Variants in TM2D1 observed in about 807,000 individuals in gnomAD.
The protein encoded by TM2D1 is TM2 domain-containing protein 1.
A neutral mutation model predicts 28.4 loss-of-function variants in TM2D1; 15 were observed. The observed-to-expected ratio is 0.53, with a 90% confidence interval of 0.35 to 0.81. The LOEUF is 0.81. TM2D1 is among the 40% of genes least tolerant of loss of function. TM2D1 has a pLI of 0.01. For synonymous variants in TM2D1, 93 were observed against 96.2 expected (o/e 0.97, Z 0.20); for missense variants, 236 against 254.9 (o/e 0.93, Z 0.50).
intron 4 of TM2D1, chr1:61,699,515 T>C (rs1020905161): frequency 6.6e-6 from 1 of 152,310 alleles, no homozygotes; most frequent in African/African-American, 2.4e-5. Flanking sequence ...TTGTTCTTCC[T>C]ACACGATCAG....
chr1:61,711,261 T>C (rs1404671780), intron 2 of TM2D1, among the ~76,000 whole-genome samples: 2 of 145,190 alleles, frequency 1.4e-5, no homozygotes, highest in South Asian at 2.2e-4. Context: ...ACCTGGGAGA[T>C]GGAGGTTGCA....
chr1:61,722,597 G>A (rs1299795772), intron 2 of TM2D1, among the ~76,000 whole-genome samples: 3 of 152,148 alleles, frequency 2.0e-5, no homozygotes, highest in Non-Finnish European at 4.4e-5. Flanking sequence ...TTGAACTCCT[G>A]ACCTCGTGAT....
chr1:61,719,409 C>G (rs995989023), intron 2 of TM2D1, among the ~76,000 whole-genome samples: 5 of 149,224 alleles, frequency 3.4e-5, no homozygotes, highest in Non-Finnish European at 6.0e-5. Flanking sequence ...AGTATATACA[C>G]AGAGAGAGAG....
intron 5 of TM2D1, chr1:61,694,495 G>T: frequency 2.5e-6 from 1 of 400,058 alleles, no homozygotes; most frequent in Admixed American, 4.4e-5. Context: ...ATGTCTTTGA[G>T]AACTACTAAC....
At chr1:61,695,122 CTTAT>C (rs1391713514) in intron 4 of TM2D1, among the ~76,000 whole-genome samples, 2 of 151,828 alleles carry the variant, frequency 1.3e-5, no homozygotes, top group East Asian at 1.9e-4. Context: ...TCCTTAATTA[CTTAT>C]TTAGACTTCA....
chr1:61,702,363 T>C (rs573010477), intron 3 of TM2D1, among the ~76,000 whole-genome samples: 1 of 150,718 alleles, frequency 6.6e-6, no homozygotes, highest in Non-Finnish European at 1.5e-5. Flanking sequence ...TGATGTTCAA[T>C]TCAATTTTAT....
chr1:61,713,488 CAAAAAAAA>C (rs369601221), intron 2 of TM2D1, among the ~76,000 whole-genome samples: 1 of 91,394 alleles, frequency 1.1e-5, no homozygotes, highest in Non-Finnish European at 2.2e-5. Flanking sequence ...AACTCAAAAA[CAAAAAAAA>C]AAAAAAAAAA....
chr1:61,703,747 T>C (rs997535782), intron 3 of TM2D1, among the ~76,000 whole-genome samples: 3 of 120,074 alleles, frequency 2.5e-5, no homozygotes, highest in African/African-American at 1.1e-4. Flanking sequence ...TATATATATA[T>C]ATATATATGC....
intron 2 of TM2D1, among the ~76,000 whole-genome samples, chr1:61,716,478 AT>A (rs1421341276): frequency 6.9e-6 from 1 of 144,958 alleles, no homozygotes; most frequent in Non-Finnish European, 1.5e-5. Flanking sequence ...ATTATATATA[AT>A]TTTATATACG....
In TM2D1 at chr1:61,709,522, A is replaced by G. The variant is rs568837873; in HGVS notation, c.239-85T>C. ...TTGTTCTAAGACTAGCAAATATGTT[A>G]TAACAAACTACCTCCCAATATAACA... On this transcript the variant is annotated intron_variant, in intron 2 of 6. Coordinates refer to ENST00000606498, the MANE Select transcript of TM2D1 (RefSeq NM_032027.3). 1.0e-5 allele frequency: 9 copies of G among 900,344 alleles called. No individual in the cohort carries two copies. The South Asian group carries it at 1.1e-4, about 11-fold the overall frequency. 55.8% of individuals were successfully genotyped at this position (900,344 alleles called of 1,614,324 possible). A position where few individuals can be genotyped will look rare whatever the true frequency, so the allele number is the denominator to read the frequency against.
chr1:61,705,765 A>G (rs1644436164), intron 3 of TM2D1, among the ~76,000 whole-genome samples: 1 of 152,174 alleles, frequency 6.6e-6, no homozygotes, highest in Non-Finnish European at 1.5e-5. Context: ...CCTCACCACC[A>G]CCACCCAGAC....
At chr1:61,711,068 T>G (rs942865119) in intron 2 of TM2D1, among the ~76,000 whole-genome samples, 1 of 152,124 alleles carries the variant, frequency 6.6e-6, no homozygotes, top group Non-Finnish European at 1.5e-5. Flanking sequence ...GGTGGCTCAA[T>G]GGCTCAAGCC....
chr1:61,710,245 C>T (rs1318990556), intron 2 of TM2D1, among the ~76,000 whole-genome samples: 5 of 151,152 alleles, frequency 3.3e-5, no homozygotes, highest in African/African-American at 1.2e-4. Context: ...GGCAACATGG[C>T]GACACCCCAT....
At chr1:61,689,913 T>C (rs1266768745) in intron 5 of TM2D1, among the ~76,000 whole-genome samples, 1 of 152,176 alleles carries the variant, frequency 6.6e-6, no homozygotes, top group Non-Finnish European at 1.5e-5. Flanking sequence ...CCTACAAAAT[T>C]CCTATGTTGA....
At chr1:61,709,273 T>C in intron 3 of TM2D1, 56 bp downstream of exon 3, 3 of 1,068,676 alleles carry the variant, frequency 2.8e-6, no homozygotes, top group Non-Finnish European at 4.3e-6. Context: ...CTTCATGCAA[T>C]GAAGATATAA....
intron 5 of TM2D1, among the ~76,000 whole-genome samples, chr1:61,687,226 A>G (rs995822542): frequency 2.0e-5 from 3 of 152,164 alleles, no homozygotes; most frequent in Non-Finnish European, 4.4e-5. Context: ...GACAAAAAGT[A>G]TATTAGAGGT....
chr1:61,708,147 C>G (rs72925669), intron 3 of TM2D1, among the ~76,000 whole-genome samples: 5,418 of 152,130 alleles, frequency 0.036, 316 homozygotes, highest in African/African-American at 0.12. Context: ...CTCCTGGGCC[C>G]AAGTAATTCT....
chr1:61,682,866 C>T (rs1013132672), intron 6 of TM2D1, among the ~76,000 whole-genome samples: 3 of 144,090 alleles, frequency 2.1e-5, no homozygotes, highest in East Asian at 2.0e-4. Flanking sequence ...GCACTCCAGC[C>T]TGGGCAACAG....
chr1:61,683,583 A>G (rs1410172184), intron 5 of TM2D1, 37 bp from the exon 6 acceptor site: 2 of 1,022,654 alleles, frequency 2.0e-6, no homozygotes, highest in East Asian at 2.8e-5. Flanking sequence ...TTCATTTTAC[A>G]AAAGATATTT....
Sources: gnomAD v4.1 joint callset for allele counts (sites outside exome capture counted in the v4.1 genomes callset) on GRCh38, gnomAD v4.1.1 for gene constraint, MANE v1.5 for transcripts, NCBI Gene and HGNC (gene_info 2026-07-23, HGNC 2026-07-21) for gene names.